TRIM66: variants seen among roughly 807,000 people sequenced by gnomAD.
The protein encoded by TRIM66 is tripartite motif-containing protein 66.
TRIM66 carries 99 observed loss-of-function variants against 148.2 expected under a neutral mutation model. The ratio of observed to expected loss-of-function variants is 0.67; its 90% confidence interval spans 0.57 to 0.79. The LOEUF is 0.79. TRIM66 is among the 30% of genes least tolerant of loss of function. TRIM66 has a pLI of 0.00. For synonymous variants in TRIM66, 616 were observed against 635.9 expected (o/e 0.97, Z 0.47); for missense variants, 1,666 against 1,697.9 (o/e 0.98, Z 0.33).
Position 8,615,723 on chromosome 11 carries a change from C to CG in TRIM66, c.*2220_*2221insC, listed in dbSNP as rs1262116350. 6.6e-6 allele frequency: 1 copy of CG among 152,172 alleles called. No individual in the cohort carries two copies. The highest frequency in any genetic ancestry group is 2.4e-5 in the African/African-American group (1 of 41,432). 9.4% of individuals were successfully genotyped at this position (152,172 alleles called of 1,614,324 possible). A position where few individuals can be genotyped will look rare whatever the true frequency, so the allele number is the denominator to read the frequency against. On this transcript the variant is annotated 3_prime_UTR_variant, in exon 25 of 25. Transcript: ENST00000646038. ...CTCTCTAGCACATTACTAAGACCCC[C>CG]TCTGGCCCAGCAAGCTGATCCGTGA...
intron 12 of TRIM66, among the ~76,000 whole-genome samples, chr11:8,645,292 A>C (rs2036748783): frequency 6.6e-6 from 1 of 152,208 alleles, no homozygotes; most frequent in African/African-American, 2.4e-5. Flanking sequence ...GACTTCTCTC[A>C]AAATTCTTGC....
At chr11:8,645,999 C>G in intron 11 of TRIM66, 112 bp from the exon 12 acceptor site, 1 of 1,057,042 alleles carries the variant, frequency 9.5e-7, no homozygotes, top group Non-Finnish European at 1.4e-6. Flanking sequence ...TGAGACTACA[C>G]CCCTGAGAGG....
intron 15 of TRIM66, among the ~76,000 whole-genome samples, chr11:8,632,519 G>A (rs1333167334): frequency 1.5e-5 from 2 of 136,786 alleles, no homozygotes; most frequent in East Asian, 2.2e-4. Flanking sequence ...GCAGTCAGAC[G>A]ATCTCAGCTC....
intron 15 of TRIM66, among the ~76,000 whole-genome samples, chr11:8,633,486 G>A (rs796110219): frequency 4.6e-5 from 7 of 152,044 alleles, no homozygotes; most frequent in African/African-American, 9.6e-5. Context: ...GAACTAAGGA[G>A]ACAGGCTTCT....
chr11:8,675,876 T>C (rs1302242235), intron 3 of TRIM66, among the ~76,000 whole-genome samples: 1 of 152,146 alleles, frequency 6.6e-6, no homozygotes, highest in Non-Finnish European at 1.5e-5. Context: ...GTAGCTGGGA[T>C]TACAGGCATG....
intron 18 of TRIM66, 91 bp downstream of exon 18, chr11:8,622,725 T>C: frequency 1.7e-6 from 2 of 1,206,746 alleles, no homozygotes; most frequent in South Asian, 1.3e-5. Flanking sequence ...CTTCCACTTG[T>C]AGTTAATTCA....
At chr11:8,664,233 AC>A (rs1413243704) in intron 6 of TRIM66, among the ~76,000 whole-genome samples, 1 of 152,240 alleles carries the variant, frequency 6.6e-6, no homozygotes, top group African/African-American at 2.4e-5. Flanking sequence ...ATCATGTTGT[AC>A]ACTGTAAATA....
chr11:8,620,186 A>G, intron 21 of TRIM66, 62 bp from the exon 22 acceptor site: 2 of 1,476,204 alleles, frequency 1.4e-6, no homozygotes, highest in Non-Finnish European at 1.9e-6. Context: ...TATGAACTAA[A>G]GATGTTGACC....
chr11:8,640,376 C>T lies in TRIM66; in HGVS notation c.1999G>A (p.Glu667Lys). 7 of 1,551,776 alleles carry T rather than the reference C, an allele frequency of 4.5e-6. No individual in the cohort carries two copies. In the South Asian group the frequency reaches 8.3e-5, roughly 18 times the overall value. The change falls in exon 14 of 25, where the codon GAG becomes AAG. Residue 667 changes from glutamate to lysine, a missense_variant. Around this residue, in one of 3 missense-constraint regions of TRIM66, gnomAD observed 1,431 missense variants for 1,412.4 expected, o/e 1.01. Coordinates refer to ENST00000646038, the MANE Select transcript of TRIM66 (RefSeq NM_001388022.1). ...FELEEMQKDL[E>K]LLLQAQQPSL... Reference sequence around the variant, plus strand: ...GGCTGTTGAGCCTGGAGAAGAAGCTCCAAGTCCTTCTGCATTTCCTCCAGC... The same window carrying T: ...GGCTGTTGAGCCTGGAGAAGAAGCTTCAAGTCCTTCTGCATTTCCTCCAGC...
chr11:8,646,411 T>C (rs1401229897), intron 11 of TRIM66, 36 bp downstream of exon 11: 4 of 1,521,814 alleles, frequency 2.6e-6, no homozygotes, highest in Admixed American at 2.0e-5. Flanking sequence ...GGATGGTTTC[T>C]GAACCCAACC....
Position 8,682,658 on chromosome 11 carries a change from G to C in TRIM66, c.-605C>G, listed in dbSNP as rs560300049. ...GATGGGGGATCACCACCCTCAGAAA[G>C]AGGAAGCGACTAGCAGGCGCGCAAT... On this transcript the variant is annotated 5_prime_UTR_variant, in exon 1 of 25. Coordinates refer to ENST00000646038, the MANE Select transcript of TRIM66 (RefSeq NM_001388022.1). The C allele has an allele frequency of 3.7e-6, 3 of 819,908 alleles. No homozygotes were observed. The highest frequency in any genetic ancestry group is 6.3e-6 in the Non-Finnish European group (3 of 476,680). 50.8% of individuals were successfully genotyped at this position (819,908 alleles called of 1,614,324 possible).
At chr11:8,625,737 G>A (rs1454276745) in intron 15 of TRIM66, among the ~76,000 whole-genome samples, 1 of 152,164 alleles carries the variant, frequency 6.6e-6, no homozygotes, top group Non-Finnish European at 1.5e-5. Context: ...AGTAGCAGGG[G>A]GTTGAGAAGG....
intron 19 of TRIM66, 107 bp from the exon 20 acceptor site, chr11:8,621,428 A>G: frequency 7.1e-7 from 1 of 1,411,152 alleles, no homozygotes; most frequent in East Asian, 2.5e-5. Flanking sequence ...AGAGCCACTT[A>G]TTCCAGGACC....
intron 23 of TRIM66, 171 bp downstream of exon 23, chr11:8,619,212 A>T: frequency 1.2e-6 from 1 of 825,430 alleles, no homozygotes; most frequent in Non-Finnish European, 1.9e-6. Flanking sequence ...AGTCCATGCT[A>T]AGGCCTGAGT....
At chr11:8,644,519 C>G (rs958991090) in intron 12 of TRIM66, 18 of 416,764 alleles carry the variant, frequency 4.3e-5, no homozygotes, top group African/African-American at 2.1e-5. Context: ...CAGCATTGTC[C>G]CCTTCCTGTC....
chr11:8,646,895 G>A (rs573343115), intron 10 of TRIM66, among the ~76,000 whole-genome samples: 1 of 148,474 alleles, frequency 6.7e-6, no homozygotes, highest in African/African-American at 2.5e-5. Context: ...AAAGGAGGAT[G>A]CTCCAATAAA....
intron 15 of TRIM66, among the ~76,000 whole-genome samples, chr11:8,632,340 G>A (rs1036046619): frequency 6.6e-6 from 1 of 151,630 alleles, no homozygotes; most frequent in African/African-American, 2.4e-5. Flanking sequence ...TAAAGTGAAT[G>A]CTTCAACAGC....
At chr11:8,633,199 G>A (rs948165223) in intron 15 of TRIM66, among the ~76,000 whole-genome samples, 2 of 152,172 alleles carry the variant, frequency 1.3e-5, no homozygotes, top group African/African-American at 2.4e-5. Context: ...GAACATGCCT[G>A]TAATCCCAGC....
intron 20 of TRIM66, among the ~76,000 whole-genome samples, 176 bp from the exon 21 acceptor site, chr11:8,620,748 G>A (rs2034128740): frequency 2.0e-5 from 3 of 152,218 alleles, no homozygotes; most frequent in Admixed American, 2.0e-4. Flanking sequence ...TGTGAATCTA[G>A]AAAAACAGGG....
Sources: allele counts gnomAD v4.1 joint callset (sites outside exome capture counted in the v4.1 genomes callset), GRCh38; gene constraint gnomAD v4.1.1; regional missense constraint gnomAD v4.1.1; transcripts MANE v1.5; gene names NCBI Gene and HGNC (gene_info 2026-07-23, HGNC 2026-07-21).